EPAS1: variants seen among roughly 807,000 people sequenced by gnomAD.
EPAS1 encodes the protein endothelial PAS domain protein 1.
Under a neutral mutation model 87.9 loss-of-function variants are expected in EPAS1, and 23 were observed. That is an observed-to-expected ratio of 0.26 (90% CI 0.19 to 0.37). EPAS1 has a LOEUF of 0.37. EPAS1 is among the 10% of genes least tolerant of loss of function. EPAS1 has a pLI of 1.00. For missense variants in EPAS1, 1,138 were observed against 1,120.7 expected, an observed-to-expected ratio of 1.02 and a Z score of -0.22; for synonymous variants, 508 against 444.3, an observed-to-expected ratio of 1.14 and a Z score of -1.80.
intron 1 of EPAS1, among the ~76,000 whole-genome samples, chr2:46,302,106 C>G (rs1380167318): frequency 8.1e-6 from 1 of 123,080 alleles, no homozygotes; most frequent in Non-Finnish European, 1.7e-5. Flanking sequence ...CTTAGAATGT[C>G]CCTCTTTCTC....
At chr2:46,362,306 A>T (rs1684410365) in intron 6 of EPAS1, among the ~76,000 whole-genome samples, 1 of 152,232 alleles carries the variant, frequency 6.6e-6, no homozygotes, top group South Asian at 2.1e-4. Flanking sequence ...GTCACTGTAA[A>T]ATGAGATAAT....
chr2:46,332,291 C>CGTGTGTGTGTGTGTGTGTGTGT (rs57893491), intron 1 of EPAS1, among the ~76,000 whole-genome samples: 1 of 110,800 alleles, frequency 9.0e-6, no homozygotes. Flanking sequence ...AAAAAAAATA[C>CGTGTGTGTGTGTGTGTGTGTGT]GTGTGTGTGT....
chr2:46,312,016 A>C (rs1572614902), intron 1 of EPAS1, among the ~76,000 whole-genome samples: 1 of 152,192 alleles, frequency 6.6e-6, no homozygotes, highest in Non-Finnish European at 1.5e-5. Flanking sequence ...TATGGCTCCA[A>C]ATATTACCAG....
chr2:46,384,302 T>A (rs1263963903), intron 15 of EPAS1, among the ~76,000 whole-genome samples: 5 of 152,138 alleles, frequency 3.3e-5, no homozygotes, highest in Admixed American at 1.3e-4. Context: ...GCTTTCCTCT[T>A]TCTTGGGTCT....
chr2:46,378,570 C>A (rs558242019), intron 10 of EPAS1, 87 bp from the exon 11 acceptor site: 2 of 1,113,210 alleles, frequency 1.8e-6, no homozygotes, highest in Admixed American at 3.5e-5. Context: ...CCTTTGGGTC[C>A]AGGAAGGTAT....
Position 46,375,626 on chromosome 2 carries a change from CTGAGCCTG to C in EPAS1, c.887-61_887-54del. On this transcript the variant is annotated intron_variant, in intron 7 of 15. Transcript: ENST00000263734. The surrounding 1 kb of genome is among the most constrained non-coding windows in gnomAD (Gnocchi z 4.1). ...TTAGACTGCCCTCCCATGCGATCTGCTGAGCCTGTGGTGCACACCCCTGCCCCACCTCC... is the reference window on the plus strand; with the variant it reads ...TTAGACTGCCCTCCCATGCGATCTGCTGGTGCACACCCCTGCCCCACCTCC... 1 of 1,576,214 alleles carries C rather than the reference CTGAGCCTG, an allele frequency of 6.3e-7. No homozygotes were observed. Among genetic ancestry groups the C allele is most frequent in the Non-Finnish European group, 8.6e-7 (1 of 1,158,598 alleles).
chr2:46,384,890 A>G lies in EPAS1; in HGVS notation c.*230A>G. On this transcript the variant is annotated 3_prime_UTR_variant, in exon 16 of 16. Transcript: ENST00000263734. ...TTTTACCTGTTCTGAAATGTTCTTA[A>G]ATTTTGTAGGATTTTTTTCCTCCCC... The G allele has an allele frequency of 1.7e-6, 1 of 585,898 alleles. No homozygotes were observed. The highest frequency in any genetic ancestry group is 3.0e-6 in the Non-Finnish European group (1 of 336,028). The allele number at this position is 585,898 out of a possible 1,614,324, so 36.3% of individuals were successfully genotyped here.
intron 1 of EPAS1, among the ~76,000 whole-genome samples, chr2:46,302,118 C>CTCTGTGTGTGTGTGTGTGTG (rs35925160): frequency 7.8e-6 from 1 of 127,578 alleles, no homozygotes; most frequent in Non-Finnish European, 1.6e-5. Context: ...CTCTTTCTCT[C>CTCTGTGTGTGTGTGTGTGTG]TGTGTGTGTG....
rs143542092 is a variant in EPAS1, at chr2:46,319,930, G to A, written c.26+21993G>A. Among the ~76,000 whole-genome samples the A allele has an allele frequency of 2.9e-3, 448 of 152,296 alleles. 4 individuals carry two copies. The highest frequency in any genetic ancestry group is 0.01 in the African/African-American group (420 of 41,562). On this transcript the variant is annotated intron_variant, in intron 1 of 15. Transcript: ENST00000263734. ...TGCCAGTCAGTTTAAACATATTTAA[G>A]AGTTCCCAGGCATCTTCGAACAGAA...
intron 1 of EPAS1, among the ~76,000 whole-genome samples, chr2:46,342,143 A>T (rs1683925986): frequency 6.6e-6 from 1 of 152,176 alleles, no homozygotes. Flanking sequence ...GAGCCCAGGC[A>T]TCTGTTTTTT....
intron 1 of EPAS1, among the ~76,000 whole-genome samples, chr2:46,306,466 G>C (rs973726430): frequency 4.6e-5 from 7 of 152,248 alleles, no homozygotes; most frequent in African/African-American, 1.7e-4. Flanking sequence ...CAGTTACAAG[G>C]TAATGAGCCA....
At chr2:46,332,112 T>C (rs1290318473) in intron 1 of EPAS1, among the ~76,000 whole-genome samples, 1 of 152,112 alleles carries the variant, frequency 6.6e-6, no homozygotes, top group Non-Finnish European at 1.5e-5. Flanking sequence ...AACCAACCAT[T>C]GCTTTAGAGG....
At chr2:46,320,840 G>C (rs1683441542) in intron 1 of EPAS1, among the ~76,000 whole-genome samples, 1 of 152,176 alleles carries the variant, frequency 6.6e-6, no homozygotes, top group African/African-American at 2.4e-5. Flanking sequence ...TGCTGGTAGT[G>C]GTGGGGTTAA....
At chr2:46,364,994 A>G (rs1316204983) in intron 6 of EPAS1, among the ~76,000 whole-genome samples, 1 of 152,232 alleles carries the variant, frequency 6.6e-6, no homozygotes, top group African/African-American at 2.4e-5. Context: ...CATTTACCCA[A>G]AAGGAAGACA....
At chr2:46,324,384 T>C (rs183145348) in intron 1 of EPAS1, among the ~76,000 whole-genome samples, 2 of 152,314 alleles carry the variant, frequency 1.3e-5, no homozygotes, top group East Asian at 3.9e-4. Context: ...TGTTTTTATA[T>C]GAATTGCACA....
chr2:46,377,753 C>T (rs7594408), intron 9 of EPAS1, 141 bp from the exon 10 acceptor site: 1 of 1,383,572 alleles, frequency 7.2e-7, no homozygotes, highest in Non-Finnish European at 1.0e-6. Context: ...TCCAGCTGAG[C>T]CCCAGGGTGT....
intron 1 of EPAS1, among the ~76,000 whole-genome samples, chr2:46,326,628 G>A (rs570845502): frequency 3.7e-4 from 57 of 152,294 alleles, no homozygotes; most frequent in African/African-American, 1.3e-3. Flanking sequence ...TACTTCATTT[G>A]TACATATTTG....
rs1323786815 is a variant in EPAS1 at position 46,384,836 on chromosome 2, A to G, written c.*176A>G. On this transcript the variant is annotated 3_prime_UTR_variant, in exon 16 of 16. Coordinates refer to ENST00000263734, the MANE Select transcript of EPAS1 (RefSeq NM_001430.5). Reference sequence around the variant, plus strand: ...GGCCTTTTTCTGAGATGCTCACTTTATTATCCCTATTTTTAAAGTACACAA... The same window carrying G: ...GGCCTTTTTCTGAGATGCTCACTTTGTTATCCCTATTTTTAAAGTACACAA... 7.0e-6 allele frequency: 5 copies of G among 710,980 alleles called. No individual in the cohort carries two copies. Among genetic ancestry groups the G allele is most frequent in the Non-Finnish European group, 1.2e-5 (5 of 429,130 alleles). 44.0% of individuals were successfully genotyped at this position (710,980 alleles called of 1,614,324 possible).
intron 4 of EPAS1, among the ~76,000 whole-genome samples, chr2:46,357,295 G>C (rs571580578): frequency 6.6e-6 from 1 of 152,206 alleles, no homozygotes; most frequent in Non-Finnish European, 1.5e-5. Flanking sequence ...GCAGTCATCT[G>C]GGGGCCAGAC....
Sources: gnomAD v4.1 joint callset for allele counts (sites outside exome capture counted in the v4.1 genomes callset) on GRCh38, gnomAD v4.1.1 for gene constraint, Gnocchi (gnomAD v3.1) non-coding constraint, MANE v1.5 for transcripts, NCBI Gene and HGNC (gene_info 2026-07-23, HGNC 2026-07-21) for gene names.